Variants in FAR1 observed in about 807,000 individuals in gnomAD.
FAR1 encodes male sterility domain-containing protein 2.
FAR1 carries 22 observed loss-of-function variants against 61.1 expected under a neutral mutation model. That is an observed-to-expected ratio of 0.36 (90% CI 0.26 to 0.51). The LOEUF (loss-of-function observed/expected upper bound fraction) is 0.51. Among genes scored for constraint, FAR1 ranks in the 20% least tolerant of loss-of-function variants. The probability of loss-of-function intolerance (pLI) is 0.95; values close to 1 mark genes in which losing one functional copy is unlikely to be tolerated. For missense variants in FAR1, 359 were observed against 626.9 expected (o/e 0.57, Z 4.56); for synonymous variants, 206 against 209.7 (o/e 0.98, Z 0.15).
At chr11:13,670,665 G>A (rs1009841206) in intron 1 of FAR1, among the ~76,000 whole-genome samples, 7 of 151,454 alleles carry the variant, frequency 4.6e-5, no homozygotes, top group Non-Finnish European at 8.8e-5. Context: ...TAGGCTTGTT[G>A]GGAAATTTAT....
intron 7 of FAR1, among the ~76,000 whole-genome samples, chr11:13,712,333 C>T (rs1467296788): frequency 2.0e-5 from 3 of 150,476 alleles, no homozygotes; most frequent in Non-Finnish European, 4.4e-5. Flanking sequence ...ATTTTTTAAT[C>T]CAAACTAAAA....
intron 9 of FAR1, among the ~76,000 whole-genome samples, chr11:13,717,835 A>G (rs1364212950): frequency 6.6e-6 from 1 of 152,144 alleles, no homozygotes; most frequent in Non-Finnish European, 1.5e-5. Flanking sequence ...GGTGGGCTGG[A>G]TTTGGTATAT....
Position 13,732,138 on chromosome 11 carries a change from T to C in FAR1, c.*3364T>C, listed in dbSNP as rs1262880447. ...TTGTCTCTGTGATAAAAAAAAAAAA[T>C]GAAATATTTTCTTATTGAATTAATA... On this transcript the variant is annotated 3_prime_UTR_variant, in exon 12 of 12. Coordinates refer to ENST00000354817, the MANE Select transcript of FAR1 (RefSeq NM_032228.6). 3 of 150,910 alleles carry C rather than the reference T, an allele frequency of 2.0e-5. No individual in the cohort carries two copies. In the South Asian group the frequency reaches 6.3e-4, roughly 32 times the overall value. 9.3% of individuals were successfully genotyped at this position (150,910 alleles called of 1,614,324 possible). A position where few individuals can be genotyped will look rare whatever the true frequency, so the allele number is the denominator to read the frequency against.
At chr11:13,700,205 T>C in intron 2 of FAR1, 112 bp from the exon 3 acceptor site, 1 of 736,274 alleles carries the variant, frequency 1.4e-6, no homozygotes, top group East Asian at 3.0e-5. Flanking sequence ...AGGAATTGTA[T>C]AGTTTAAGTT....
intron 1 of FAR1, among the ~76,000 whole-genome samples, chr11:13,671,289 A>G (rs1432598107): frequency 6.6e-6 from 1 of 152,348 alleles, no homozygotes; most frequent in South Asian, 2.1e-4. Flanking sequence ...TGTACTTGGT[A>G]TAAGCAACTG....
chr11:13,698,184 C>T (rs1269652512), intron 2 of FAR1, among the ~76,000 whole-genome samples: 1 of 152,098 alleles, frequency 6.6e-6, no homozygotes, highest in East Asian at 1.9e-4. Flanking sequence ...ATTTGTATCT[C>T]CAAAACAGTA....
At chr11:13,691,870 A>C (rs1299539747) in intron 1 of FAR1, among the ~76,000 whole-genome samples, 1 of 152,196 alleles carries the variant, frequency 6.6e-6, no homozygotes, top group African/African-American at 2.4e-5. Context: ...AGAATGCTCC[A>C]AAATTCAAAA....
chr11:13,673,854 T>C (rs1451872639), intron 1 of FAR1, among the ~76,000 whole-genome samples: 1 of 152,240 alleles, frequency 6.6e-6, no homozygotes, highest in Non-Finnish European at 1.5e-5. Flanking sequence ...CATAAGTATC[T>C]TACCAATTTG....
At chr11:13,697,307 C>T (rs1848318198) in intron 2 of FAR1, among the ~76,000 whole-genome samples, 2 of 151,812 alleles carry the variant, frequency 1.3e-5, no homozygotes, top group African/African-American at 4.8e-5. Flanking sequence ...CTAAAAAATA[C>T]AAAAATTAGC....
chr11:13,729,635 G>A lies in FAR1; in HGVS notation c.*861G>A, dbSNP rs1848702778. On this transcript the variant is annotated 3_prime_UTR_variant, in exon 12 of 12. Transcript: ENST00000354817. ...TGAGATTTGATGGAAGTGGGAGTTG[G>A]GAAGGATTCACCATACTTGTGTTCT... 6.6e-6 allele frequency: 1 copy of A among 151,904 alleles called. No homozygotes were observed. The highest frequency in any genetic ancestry group is 2.4e-5 in the African/African-American group (1 of 41,428). 9.4% of individuals were successfully genotyped at this position (151,904 alleles called of 1,614,324 possible).
chr11:13,722,663 G>A lies in FAR1; in HGVS notation c.1257+804G>A, dbSNP rs372215880. ...TAATTTTTGTATTTTTAGTAGAGAC[G>A]GGGTTTCACCATGTTAGCCAAGCTG... On this transcript the variant is annotated intron_variant, in intron 10 of 11. Coordinates refer to ENST00000354817, the MANE Select transcript of FAR1 (RefSeq NM_032228.6). Among the ~76,000 whole-genome samples, 6 of 151,636 alleles carry A rather than the reference G, an allele frequency of 4.0e-5. No homozygotes were observed. The East Asian group carries it at 7.8e-4, about 20-fold the overall frequency.
At chr11:13,698,906 A>G (rs935420532) in intron 2 of FAR1, among the ~76,000 whole-genome samples, 2 of 152,164 alleles carry the variant, frequency 1.3e-5, no homozygotes, top group South Asian at 4.1e-4. Context: ...GTGGCTTAAA[A>G]GGCACAGTTA....
At position 13,727,534 on chromosome 11, in the gene FAR1, A is replaced by G. The variant is rs371336253; in HGVS notation, c.1258-22A>G. On this transcript the variant is annotated intron_variant, in intron 10 of 11. Transcript: ENST00000354817. Reference sequence around the variant, plus strand: ...AGAAAAATTAGTCAAGAAAATAATCAGTAATTTTTTTGTTAACGTAGACCT... The same window carrying G: ...AGAAAAATTAGTCAAGAAAATAATCGGTAATTTTTTTGTTAACGTAGACCT... The G allele has an allele frequency of 2.6e-6, 4 of 1,564,054 alleles. No homozygotes were observed. In the African/African-American group the frequency reaches 4.2e-5, roughly 16 times the overall value.
Position 13,729,409 on chromosome 11 carries a change from T to C in FAR1, c.*635T>C, listed in dbSNP as rs1352358125. 3 of 151,990 alleles carry C rather than the reference T, an allele frequency of 2.0e-5. No individual in the cohort carries two copies. The highest frequency in any genetic ancestry group is 1.3e-4 in the Admixed American group (2 of 15,246). 9.4% of individuals were successfully genotyped at this position (151,990 alleles called of 1,614,324 possible). A position where few individuals can be genotyped will look rare whatever the true frequency, so the allele number is the denominator to read the frequency against. On this transcript the variant is annotated 3_prime_UTR_variant, in exon 12 of 12. Coordinates refer to ENST00000354817, the MANE Select transcript of FAR1 (RefSeq NM_032228.6). Reference sequence around the variant, plus strand: ...TCAGTTGCTTTTAAAATCAGAAGGCTATATTATTCTAATGACCCTATTCGA... The same window carrying C: ...TCAGTTGCTTTTAAAATCAGAAGGCCATATTATTCTAATGACCCTATTCGA...
rs757008259 is a variant in FAR1, at chr11:13,708,372, C to CA, written c.545+303dup. Among the ~76,000 whole-genome samples, 730 of 142,942 alleles carry CA rather than the reference C, an allele frequency of 5.1e-3. 6 individuals carry two copies. Among genetic ancestry groups the CA allele is most frequent in the African/African-American group, 0.017 (681 of 38,924 alleles). 93.8% of individuals were successfully genotyped at this position (142,942 alleles called of 152,430 possible). ...AACTCTGTCTCAAAAAAACAAAAAA[C>CA]AAAAAAAAAACCTTTGGATTCAAGT... On this transcript the variant is annotated intron_variant, in intron 4 of 11. Coordinates refer to ENST00000354817, the MANE Select transcript of FAR1 (RefSeq NM_032228.6).
intron 1 of FAR1, among the ~76,000 whole-genome samples, chr11:13,671,408 A>G (rs1216170759): frequency 6.6e-6 from 1 of 152,254 alleles, no homozygotes; most frequent in Non-Finnish European, 1.5e-5. Flanking sequence ...TAGCTGATAA[A>G]TAATTTTTTA....
Position 13,710,796 on chromosome 11 carries a change from C to G in FAR1, c.649C>G (p.Gln217Glu), listed in dbSNP as rs758755383. The change falls in exon 5 of 12, where the codon CAA becomes GAA. Residue 217 changes from glutamine (Q) to glutamate (E), a missense_variant. By Grantham distance (29) the Gln-to-Glu change is conservative. This residue lies in a region of FAR1 where 344 missense variants were observed against 570.3 expected (regional missense o/e 0.60). Coordinates refer to ENST00000354817, the MANE Select transcript of FAR1 (RefSeq NM_032228.6). ...AGCATTGGCAGAATATGTTGTACAA[C>G]AAGAAGGAGCAAAACTAAATGTGGC... ...TKALAEYVVQ[Q>E]EGAKLNVAIV... is the part of the protein sequence containing the mutation. 24 of 1,612,846 alleles carry G rather than the reference C, an allele frequency of 1.5e-5. No homozygotes were observed. The highest frequency in any genetic ancestry group is 4.4e-5 in the South Asian group (4 of 90,978).
intron 1 of FAR1, among the ~76,000 whole-genome samples, chr11:13,672,949 T>C (rs1848026511): frequency 6.6e-6 from 1 of 152,210 alleles, no homozygotes; most frequent in South Asian, 2.1e-4. Context: ...TCTTTTGGCT[T>C]TATATCCTTC....
At chr11:13,726,254 C>T (rs948066492) in intron 10 of FAR1, among the ~76,000 whole-genome samples, 2 of 151,910 alleles carry the variant, frequency 1.3e-5, no homozygotes, top group African/African-American at 4.8e-5. Flanking sequence ...ACAGATTTAC[C>T]AGCGTAACTG....
Sources: allele counts gnomAD v4.1 joint callset (sites outside exome capture counted in the v4.1 genomes callset), GRCh38; gene constraint gnomAD v4.1.1; regional missense constraint gnomAD v4.1.1; transcripts MANE v1.5; gene names NCBI Gene and HGNC (gene_info 2026-07-23, HGNC 2026-07-21).